Variants in DAB2IP observed in about 807,000 individuals in gnomAD.
The protein encoded by DAB2IP is disabled homolog 2-interacting protein.
Under a neutral mutation model 107.2 loss-of-function variants are expected in DAB2IP, and 28 were observed. The ratio of observed to expected loss-of-function variants is 0.26; its 90% CI spans 0.19 to 0.36. DAB2IP has a LOEUF of 0.36. Among genes scored for constraint, DAB2IP ranks in the 10% least tolerant of loss-of-function variants. DAB2IP has a pLI of 1.00. For missense variants in DAB2IP, 1,400 were observed against 1,644.7 expected (o/e 0.85, Z 2.57); for synonymous variants, 755 against 706.4 (o/e 1.07, Z -1.09).
At chr9:121,604,029 G>A (rs1229847496) in intron 1 of DAB2IP, among the ~76,000 whole-genome samples, 4 of 152,036 alleles carry the variant, frequency 2.6e-5, no homozygotes, top group African/African-American at 9.7e-5. Flanking sequence ...AGGGAAGGGG[G>A]AGGTCACTTA....
At chr9:121,717,062 G>A (rs1830644604) in intron 3 of DAB2IP, among the ~76,000 whole-genome samples, 1 of 152,190 alleles carries the variant, frequency 6.6e-6, no homozygotes, top group African/African-American at 2.4e-5. Context: ...AAGATGGGCC[G>A]GGGTCTCTTG....
Position 121,760,471 on chromosome 9 carries a change from G to C in DAB2IP, c.1170+32G>C. 1 of 1,543,854 alleles carries C rather than the reference G, an allele frequency of 6.5e-7. No individual in the cohort carries two copies. Among genetic ancestry groups the C allele is most frequent in the Non-Finnish European group, 8.7e-7 (1 of 1,150,186 alleles). On this transcript the variant is annotated intron_variant, in intron 6 of 15. Transcript: ENST00000408936. This position sits in a 1 kb window ranked among gnomAD's most constrained non-coding sequence, Gnocchi z 5.9. ...GCAGGCCCCTCGGCTCCTGACACAG[G>C]CTGGGCGGCAGCACTGGGTTACCTG...
intron 1 of DAB2IP, among the ~76,000 whole-genome samples, chr9:121,569,241 C>T (rs1045839844): frequency 3.9e-5 from 6 of 152,244 alleles, no homozygotes; most frequent in Admixed American, 3.3e-4. Context: ...GTTCTACATT[C>T]ATCAATTTAA....
intron 1 of DAB2IP, among the ~76,000 whole-genome samples, chr9:121,628,600 C>T (rs756719933): frequency 2.6e-5 from 4 of 152,080 alleles, no homozygotes; most frequent in African/African-American, 7.2e-5. Flanking sequence ...GAAGGCTTCC[C>T]GGAAGAGGTG....
At chr9:121,619,308 C>T (rs917073583) in intron 1 of DAB2IP, among the ~76,000 whole-genome samples, 3 of 152,052 alleles carry the variant, frequency 2.0e-5, no homozygotes, top group Admixed American at 1.3e-4. Flanking sequence ...CACCACATCC[C>T]GCTAATTTTT....
chr9:121,568,056 G>A (rs1315038538), intron 1 of DAB2IP, among the ~76,000 whole-genome samples: 2 of 152,162 alleles, frequency 1.3e-5, no homozygotes, highest in Non-Finnish European at 2.9e-5. Flanking sequence ...AGTCCTGTTG[G>A]CCTCGGAAGA....
intron 1 of DAB2IP, among the ~76,000 whole-genome samples, chr9:121,642,156 C>G (rs994710329): frequency 1.3e-5 from 2 of 150,620 alleles, no homozygotes; most frequent in Non-Finnish European, 2.9e-5. Flanking sequence ...TCATAGCTCA[C>G]TGTAGCCTCA....
chr9:121,570,107 CTTTTTTTTTTTT>C (rs60818537), intron 1 of DAB2IP, among the ~76,000 whole-genome samples: 4 of 101,504 alleles, frequency 3.9e-5, no homozygotes, highest in Admixed American at 1.1e-4. Flanking sequence ...TTCTCTTTCT[CTTTTTTTTTTTT>C]TTTTTTTTTT....
intron 11 of DAB2IP, among the ~76,000 whole-genome samples, chr9:121,771,527 C>G (rs992842776): frequency 6.6e-6 from 1 of 151,988 alleles, no homozygotes; most frequent in Non-Finnish European, 1.5e-5. Context: ...GATGCAGGTC[C>G]ACTGAGTCTT....
Position 121,651,741 on chromosome 9 carries a change from G to T in DAB2IP, c.-35G>T. Reference sequence around the variant, plus strand: ...CGGCCGATGGGGCCCGTGTGAGCGCGCCCAGGCCCGGCCCGGTGCCCGGCG... The same window carrying T: ...CGGCCGATGGGGCCCGTGTGAGCGCTCCCAGGCCCGGCCCGGTGCCCGGCG... On this transcript the variant is annotated 5_prime_UTR_variant, in exon 1 of 16. Transcript: ENST00000408936. This position sits in a 1 kb window ranked among gnomAD's most constrained non-coding sequence, Gnocchi z 5.1. 1 of 1,256,544 alleles carries T rather than the reference G, an allele frequency of 8.0e-7. No individual in the cohort carries two copies. The highest frequency in any genetic ancestry group is 1.0e-6 in the Non-Finnish European group (1 of 997,342). The allele number at this position is 1,256,544 out of a possible 1,614,324, so 77.8% of individuals were successfully genotyped here. A position where few individuals can be genotyped will look rare whatever the true frequency, so the allele number is the denominator to read the frequency against.
rs886195597 is a variant in DAB2IP at position 121,635,543 on chromosome 9, C to T, written c.41-43135C>T. Among the ~76,000 whole-genome samples, 1 of 151,984 alleles carries T rather than the reference C, an allele frequency of 6.6e-6. No individual in the cohort carries two copies. Among genetic ancestry groups the T allele is most frequent in the Non-Finnish European group, 1.5e-5 (1 of 68,000 alleles). On this transcript the variant is annotated intron_variant, in intron 1 of 16. Transcript: ENST00000259371. This position sits in a 1 kb window ranked among gnomAD's most constrained non-coding sequence, Gnocchi z 4.3. ...GGAAACGGAGTGAAGGAGGCACTGG[C>T]TTTGCTGCCAACATGGCCTGTCTGC...
chr9:121,785,223 C>A (rs1481974198), exon 16 of DAB2IP: 1 of 152,686 alleles, frequency 6.5e-6, no homozygotes, highest in East Asian at 1.9e-4. Context: ...CCCAGGTACA[C>A]CTCCCCCTGC....
At chr9:121,764,052 G>A (rs1349956777) in intron 8 of DAB2IP, among the ~76,000 whole-genome samples, 173 bp downstream of exon 8, 1 of 152,240 alleles carries the variant, frequency 6.6e-6, no homozygotes, top group Non-Finnish European at 1.5e-5. Flanking sequence ...GCATGTTGCT[G>A]TGGTTTTGTG....
chr9:121,623,422 A>C (rs535991637), intron 1 of DAB2IP, among the ~76,000 whole-genome samples: 1 of 152,260 alleles, frequency 6.6e-6, no homozygotes, highest in South Asian at 2.1e-4. Context: ...GCTGGAGTGC[A>C]ATGGTATGTT....
chr9:121,722,623 C>T (rs1315501778), intron 3 of DAB2IP, among the ~76,000 whole-genome samples: 1 of 152,058 alleles, frequency 6.6e-6, no homozygotes, highest in Non-Finnish European at 1.5e-5. Flanking sequence ...GAGTAGACAG[C>T]CACACAGACA....
intron 3 of DAB2IP, among the ~76,000 whole-genome samples, chr9:121,745,323 A>G (rs1832650032): frequency 6.6e-6 from 1 of 152,174 alleles, no homozygotes. Context: ...GGAGGAACTC[A>G]GCAGCCACAC....
chr9:121,699,359 A>G lies in DAB2IP; in HGVS notation c.263A>G (p.Lys88Arg). The G allele has an allele frequency of 6.8e-7, 1 of 1,474,894 alleles. No homozygotes were observed. The highest frequency in any genetic ancestry group is 9.1e-7 in the Non-Finnish European group (1 of 1,102,624). 91.4% of individuals were successfully genotyped at this position (1,474,894 alleles called of 1,614,324 possible). A position where few individuals can be genotyped will look rare whatever the true frequency, so the allele number is the denominator to read the frequency against. The change falls in exon 3 of 16, where the codon AAG (lysine) becomes AGG (arginine). Residue 88 changes from lysine to arginine, a missense_variant. Lys to Arg is a conservative substitution (Grantham distance 26). Transcript: ENST00000408936. This position sits in a 1 kb window ranked among gnomAD's most constrained non-coding sequence, Gnocchi z 6.2. ...AGCCGCCGCCTCAAGGGCTCCATCA[A>G]GCGCACCAAGAGCCAGCCCAAGCTG...
At chr9:121,594,435 C>A (rs1255124906) in intron 1 of DAB2IP, among the ~76,000 whole-genome samples, 1 of 151,926 alleles carries the variant, frequency 6.6e-6, no homozygotes, top group South Asian at 2.1e-4. Context: ...TGAGGTTTCA[C>A]CATGTTGACC....
chr9:121,716,972 C>T (rs1002802635), intron 3 of DAB2IP, among the ~76,000 whole-genome samples: 1 of 152,162 alleles, frequency 6.6e-6, no homozygotes, highest in Non-Finnish European at 1.5e-5. Context: ...CTAGCATCTA[C>T]CAGGAAGACT....
Sources: gnomAD v4.1 joint callset for allele counts (sites outside exome capture counted in the v4.1 genomes callset) on GRCh38, gnomAD v4.1.1 for gene constraint, Gnocchi (gnomAD v3.1) non-coding constraint, MANE v1.5 for transcripts, NCBI Gene and HGNC (gene_info 2026-07-23, HGNC 2026-07-21) for gene names.